Variants in ISCA1 observed in about 807,000 individuals in gnomAD.
ISCA1 encodes the protein iron-sulfur cluster assembly 1 homolog, mitochondrial.
ISCA1 carries 9 observed loss-of-function variants against 14.7 expected under a neutral mutation model. The observed-to-expected ratio is 0.61, with a 90% CI of 0.37 to 1.07. ISCA1 has a LOEUF of 1.07. Ranked by LOEUF, ISCA1 falls within the 50% of genes least tolerant of loss-of-function variation. The pLI, the probability that ISCA1 is intolerant of heterozygous loss-of-function variation, is 0.01. For synonymous variants in ISCA1, 38 were observed against 54.3 expected (o/e 0.70, Z 1.32); for missense variants, 102 against 150.1 (o/e 0.68, Z 1.67).
At chr9:86,271,514 T>C (rs977982949) in intron 3 of ISCA1, among the ~76,000 whole-genome samples, 2 of 152,172 alleles carry the variant, frequency 1.3e-5, no homozygotes, top group African/African-American at 4.8e-5. Context: ...CTTTTAAAGT[T>C]TTGAATTTGG....
intron 3 of ISCA1, among the ~76,000 whole-genome samples, chr9:86,270,689 A>G (rs1825358018): frequency 1.3e-5 from 2 of 152,140 alleles, no homozygotes; most frequent in East Asian, 3.9e-4. Flanking sequence ...ACTTGGAACC[A>G]ACCCAAATGT....
At position 86,266,262 on chromosome 9, in the gene ISCA1, T is replaced by G. The variant is rs183925078; in HGVS notation, c.242-71A>C. On this transcript the variant is annotated intron_variant, in intron 3 of 3. Coordinates refer to ENST00000375991, the MANE Select transcript of ISCA1 (RefSeq NM_030940.4). ...GGAACTTGCTGATTCAAAGCACAAG[T>G]GAACTTGAAATAGTGACTATCAATG... is the stretch of plus-strand genomic sequence containing the variant. 6.4e-4 allele frequency: 966 copies of G among 1,520,782 alleles called. 1 individual carries two copies. The highest frequency in any genetic ancestry group is 7.9e-4 in the Non-Finnish European group (895 of 1,138,476). 94.2% of individuals were successfully genotyped at this position (1,520,782 alleles called of 1,614,324 possible).
At position 86,265,335 on chromosome 9, in the gene ISCA1, A is replaced by G. The variant is rs1457809201; in HGVS notation, c.*708T>C. 6.6e-6 allele frequency: 1 copy of G among 152,212 alleles called. No homozygotes were observed. The highest frequency in any genetic ancestry group is 2.4e-5 in the African/African-American group (1 of 41,436). The allele number at this position is 152,212 out of a possible 1,614,324, so 9.4% of individuals were successfully genotyped here. A position where few individuals can be genotyped will look rare whatever the true frequency, so the allele number is the denominator to read the frequency against. On this transcript the variant is annotated 3_prime_UTR_variant, in exon 4 of 4. Transcript: ENST00000375991. ...CTTCCCTGGGGTTTTGCTTCCTCAC[A>G]TAGGGAATTGATGGAGGTGGGCTAG...
chr9:86,264,889 TA>T lies in ISCA1; in HGVS notation c.*1153del, dbSNP rs2131218590. On this transcript the variant is annotated 3_prime_UTR_variant, in exon 4 of 4. Transcript: ENST00000375991. ...AAAGTTGGTGATAAATATGTTAGGC[TA>T]AAATACTAAGAACTTTAGCAACTGG... 1 of 152,304 alleles carries T rather than the reference TA, an allele frequency of 6.6e-6. No homozygotes were observed. The highest frequency in any genetic ancestry group is 2.1e-4 in the South Asian group (1 of 4,824). The allele number at this position is 152,304 out of a possible 1,614,324, so 9.4% of individuals were successfully genotyped here.
intron 3 of ISCA1, among the ~76,000 whole-genome samples, chr9:86,266,482 T>G (rs1825294058): frequency 6.6e-6 from 1 of 152,188 alleles, no homozygotes; most frequent in African/African-American, 2.4e-5. Context: ...CACTCATTTT[T>G]CCAGTTTGCA....
At chr9:86,273,528 G>C (rs1467356471) in intron 2 of ISCA1, among the ~76,000 whole-genome samples, 1 of 152,136 alleles carries the variant, frequency 6.6e-6, no homozygotes, top group African/African-American at 2.4e-5. Flanking sequence ...AGCCAAGAAA[G>C]GGAGGCAGAT....
chr9:86,268,683 T>TTTC (rs890238971), intron 3 of ISCA1, among the ~76,000 whole-genome samples: 3 of 152,056 alleles, frequency 2.0e-5, no homozygotes, highest in Admixed American at 6.5e-5. Context: ...CATGTTTTAT[T>TTTC]TTCTTCTTCT....
intron 1 of ISCA1, among the ~76,000 whole-genome samples, chr9:86,274,976 T>C (rs994696814): frequency 3.9e-5 from 6 of 152,298 alleles, no homozygotes; most frequent in East Asian, 1.9e-4. Context: ...TTGTGTGAAA[T>C]AGGTCGGTGT....
chr9:86,282,177 A>G (rs560643042), intron 1 of ISCA1: 1,165 of 609,216 alleles, frequency 1.9e-3, no homozygotes, highest in Non-Finnish European at 2.8e-3. Flanking sequence ...CCAAGAGAGC[A>G]GCCCCGCCCG....
intron 3 of ISCA1, 110 bp downstream of exon 3, chr9:86,271,897 G>C (rs1464572622): frequency 1.5e-6 from 1 of 653,234 alleles, no homozygotes; most frequent in African/African-American, 1.8e-5. Context: ...CACACAGTGA[G>C]CATTATTTAC....
chr9:86,274,895 G>A (rs1825421166), intron 1 of ISCA1, among the ~76,000 whole-genome samples: 1 of 152,156 alleles, frequency 6.6e-6, no homozygotes, highest in African/African-American at 2.4e-5. Context: ...AGAACAAGGA[G>A]GAGCTGTTTC....
Position 86,272,002 on chromosome 9 carries a change from C to T in ISCA1, c.241+5G>A, listed in dbSNP as rs759523161. On this transcript the variant is annotated splice_donor_5th_base_variant and intron_variant, in intron 3 of 3. Transcript: ENST00000375991. ...GTGCCCAAAAAATGTTTGTTAAAAA[C>T]TCACCATCTTGAATAACTTCTTCAT... The T allele has an allele frequency of 6.5e-7, 1 of 1,540,264 alleles. No homozygotes were observed.
chr9:86,279,022 T>C (rs1341894182), intron 1 of ISCA1, among the ~76,000 whole-genome samples: 1 of 152,216 alleles, frequency 6.6e-6, no homozygotes, highest in Non-Finnish European at 1.5e-5. Flanking sequence ...CTACTTCCAG[T>C]GCTTCTTGTG....
chr9:86,276,274 T>A (rs1486399491), intron 1 of ISCA1, among the ~76,000 whole-genome samples: 1 of 152,018 alleles, frequency 6.6e-6, no homozygotes, highest in Non-Finnish European at 1.5e-5. Context: ...CTAATGCCCC[T>A]GATGATCTGA....
chr9:86,279,838 T>C (rs1329862575), intron 1 of ISCA1, among the ~76,000 whole-genome samples: 1 of 152,194 alleles, frequency 6.6e-6, no homozygotes, highest in Admixed American at 6.5e-5. Context: ...CAAAGAGCAA[T>C]ACATGCCATA....
At chr9:86,272,182 G>T (rs990927075) in intron 2 of ISCA1, 70 bp from the exon 3 acceptor site, 14 of 926,282 alleles carry the variant, frequency 1.5e-5, no homozygotes, top group African/African-American at 3.3e-5. Context: ...CTAATAAAGT[G>T]ACAGTAGCCT....
intron 3 of ISCA1, chr9:86,267,506 A>C (rs1825305042): frequency 1.0e-6 from 1 of 977,020 alleles, no homozygotes; most frequent in South Asian, 4.7e-5. Flanking sequence ...ATGACAAGAT[A>C]AATTATTTAT....
chr9:86,280,968 C>CA lies in ISCA1; in HGVS notation c.81+1409dup, dbSNP rs71505784. 3.8e-3 allele frequency among the ~76,000 whole-genome samples: 439 copies of CA among 115,906 alleles called. 3 individuals are homozygous for CA. The highest frequency in any genetic ancestry group is 4.8e-3 in the African/African-American group (98 of 20,402). The allele number at this position is 115,906 out of a possible 152,430, so 76.0% of individuals were successfully genotyped here. On this transcript the variant is annotated intron_variant, in intron 1 of 3. Transcript: ENST00000375991. ...CAAAAACAAACAAACAAACAAAAAA[C>CA]AAAAAACAAAAAACCCAGTTAATAG...
intron 1 of ISCA1, among the ~76,000 whole-genome samples, chr9:86,274,532 T>A (rs1654975405): frequency 6.6e-6 from 1 of 152,206 alleles, no homozygotes; most frequent in Non-Finnish European, 1.5e-5. Context: ...TTACAAATGC[T>A]ATTTTTCTGG....
Sources: allele counts gnomAD v4.1 joint callset (sites outside exome capture counted in the v4.1 genomes callset), GRCh38; gene constraint gnomAD v4.1.1; transcripts MANE v1.5; gene names NCBI Gene and HGNC (gene_info 2026-07-23, HGNC 2026-07-21).